The following AFG1L variants were observed in gnomAD, a reference collection of about 807,000 sequenced individuals.
The protein encoded by AFG1L is AFG1-like ATPase.
Under a neutral mutation model 62.2 loss-of-function variants are expected in AFG1L, and 53 were observed. The observed-to-expected ratio is 0.85, with a 90% CI of 0.68 to 1.07. The LOEUF is 1.07. Among genes scored for constraint, AFG1L ranks in the 50% least tolerant of loss-of-function variants. AFG1L has a pLI of 0.00. For missense variants in AFG1L, 555 were observed against 590.5 expected, an observed-to-expected ratio of 0.94 and a Z score of 0.62; for synonymous variants, 228 against 210.3, an observed-to-expected ratio of 1.08 and a Z score of -0.73.
At chr6:108,452,636 C>T (rs942086754) in intron 8 of AFG1L, among the ~76,000 whole-genome samples, 3 of 152,084 alleles carry the variant, frequency 2.0e-5, no homozygotes, top group Non-Finnish European at 4.4e-5. Flanking sequence ...AATAGGTTTG[C>T]CTTTTATTAT....
At chr6:108,400,598 T>C (rs1781526590) in intron 6 of AFG1L, among the ~76,000 whole-genome samples, 1 of 135,230 alleles carries the variant, frequency 7.4e-6, no homozygotes, top group African/African-American at 2.7e-5. Flanking sequence ...ATATAATTTA[T>C]ATATTTATAT....
At chr6:108,489,665 G>C (rs746876717) in intron 10 of AFG1L, among the ~76,000 whole-genome samples, 7 of 152,174 alleles carry the variant, frequency 4.6e-5, no homozygotes, top group Non-Finnish European at 8.8e-5. Context: ...AGAGAAATCA[G>C]AGGATAGGGC....
At chr6:108,413,004 T>C (rs928016948) in intron 7 of AFG1L, among the ~76,000 whole-genome samples, 9 of 152,176 alleles carry the variant, frequency 5.9e-5, no homozygotes, top group East Asian at 5.8e-4. Flanking sequence ...CATCAGTGTG[T>C]TGTATTCAGG....
rs1025541938 is a variant in AFG1L, at chr6:108,347,383, A to T, written c.415+344A>T. 1.1e-3 allele frequency among the ~76,000 whole-genome samples: 171 copies of T among 152,288 alleles called. 1 individual carries two copies. The highest frequency in any genetic ancestry group is 7.2e-3 in the Admixed American group (110 of 15,300). On this transcript the variant is annotated intron_variant, in intron 3 of 12. Transcript: ENST00000368977. ...TCATTAACTCAGCTTAATACTTTTT[A>T]AAAAAATAAGCTGTTCTTTTTTACT... is the stretch of plus-strand genomic sequence containing the variant.
At chr6:108,333,962 T>C (rs1778375985) in intron 2 of AFG1L, among the ~76,000 whole-genome samples, 1 of 152,240 alleles carries the variant, frequency 6.6e-6, no homozygotes, top group African/African-American at 2.4e-5. Context: ...GAAAATATTT[T>C]ACATGTGATT....
intron 10 of AFG1L, among the ~76,000 whole-genome samples, chr6:108,480,293 A>G (rs1259533359): frequency 4.6e-5 from 7 of 152,196 alleles, no homozygotes; most frequent in Non-Finnish European, 1.0e-4. Context: ...GCGCTTTTAT[A>G]TATTAACTCA....
chr6:108,398,187 A>T (rs145256351), intron 6 of AFG1L, among the ~76,000 whole-genome samples: 4,328 of 152,136 alleles, frequency 0.028, 94 homozygotes, highest in Middle Eastern at 0.082. Flanking sequence ...TTTGATTTGC[A>T]TTTCTCTTAT....
rs536027379 is a variant in AFG1L at position 108,351,098 on chromosome 6, G to A, written c.415+4059G>A. Among the ~76,000 whole-genome samples the A allele has an allele frequency of 6.6e-5, 10 of 152,334 alleles. No homozygotes were observed. The South Asian group carries it at 2.1e-3, about 32-fold the overall frequency. On this transcript the variant is annotated intron_variant, in intron 3 of 12. Coordinates refer to ENST00000368977, the MANE Select transcript of AFG1L (RefSeq NM_145315.5). ...ATAATAGATAAAATATGGGATGCCT[G>A]TTTGACCATGAATGGACTGGAAGTT... is the stretch of plus-strand genomic sequence containing the variant.
intron 7 of AFG1L, among the ~76,000 whole-genome samples, chr6:108,439,292 G>A (rs1051194472): frequency 6.6e-6 from 1 of 152,124 alleles, no homozygotes; most frequent in Non-Finnish European, 1.5e-5. Flanking sequence ...ATCTCTAGTA[G>A]CCAGGGAAGT....
At chr6:108,329,129 C>A (rs1778171296) in intron 2 of AFG1L, among the ~76,000 whole-genome samples, 1 of 142,070 alleles carries the variant, frequency 7.0e-6, no homozygotes, top group African/African-American at 2.5e-5. Flanking sequence ...CCTTTCAAGA[C>A]AGGGTCTTGC....
intron 7 of AFG1L, among the ~76,000 whole-genome samples, chr6:108,403,320 G>T (rs1409791576): frequency 1.3e-5 from 2 of 152,084 alleles, no homozygotes; most frequent in Admixed American, 6.6e-5. Flanking sequence ...CCCAAGAAGG[G>T]TTAAAATGTT....
At chr6:108,399,108 G>A (rs58304909) in intron 6 of AFG1L, among the ~76,000 whole-genome samples, 15,184 of 145,696 alleles carry the variant, frequency 0.1, 1,077 homozygotes, top group South Asian at 0.2. Flanking sequence ...TTTTGTGTTT[G>A]TGCCCTCTTT....
chr6:108,509,939 A>G (rs897702753), intron 10 of AFG1L, among the ~76,000 whole-genome samples: 6 of 152,130 alleles, frequency 3.9e-5, no homozygotes, highest in African/African-American at 1.4e-4. Context: ...AAAATGTAAA[A>G]CCTCATATTA....
At chr6:108,466,316 A>G (rs1177075667) in intron 8 of AFG1L, among the ~76,000 whole-genome samples, 2 of 152,204 alleles carry the variant, frequency 1.3e-5, no homozygotes, top group African/African-American at 4.8e-5. Context: ...ATATGTATAT[A>G]TGAGTTTACC....
chr6:108,426,133 A>C (rs994198534), intron 7 of AFG1L, among the ~76,000 whole-genome samples: 2 of 152,162 alleles, frequency 1.3e-5, no homozygotes, highest in Admixed American at 6.6e-5. Context: ...TATTTTATTG[A>C]GATATTCTTT....
At chr6:108,427,189 A>G (rs1027919543) in intron 7 of AFG1L, among the ~76,000 whole-genome samples, 1 of 152,004 alleles carries the variant, frequency 6.6e-6, no homozygotes, top group Non-Finnish European at 1.5e-5. Context: ...TACAGACTCC[A>G]TCTCCTGGGC....
At chr6:108,399,045 G>A (rs59986591) in intron 6 of AFG1L, among the ~76,000 whole-genome samples, 15,446 of 151,948 alleles carry the variant, frequency 0.1, 1,101 homozygotes, top group South Asian at 0.19. Flanking sequence ...GATAGTATGA[G>A]CATTTTAACA....
intron 10 of AFG1L, among the ~76,000 whole-genome samples, chr6:108,481,411 C>T (rs973471638): frequency 1.3e-5 from 2 of 152,144 alleles, no homozygotes; most frequent in Non-Finnish European, 2.9e-5. Context: ...TAGGGGTCCC[C>T]GAGACCCTTT....
chr6:108,347,103 A>G (rs1778892727), intron 3 of AFG1L, 64 bp downstream of exon 3: 3 of 1,312,518 alleles, frequency 2.3e-6, no homozygotes, highest in Non-Finnish European at 3.3e-6. Flanking sequence ...TCTCTCAGGG[A>G]TGATTTCTAT....
Sources: allele counts gnomAD v4.1 joint callset (sites outside exome capture counted in the v4.1 genomes callset), GRCh38; gene constraint gnomAD v4.1.1; transcripts MANE v1.5; gene names NCBI Gene and HGNC (gene_info 2026-07-23, HGNC 2026-07-21).